The following PROZ variants were observed in gnomAD, a reference collection of about 807,000 sequenced individuals.
The protein encoded by PROZ is protein Z, vitamin K dependent plasma glycoprotein.
In PROZ, 46 loss-of-function variants were observed where a neutral mutation model predicts 34.9. The observed-to-expected ratio is 1.32, with a 90% CI of 1.04 to 1.69. The LOEUF (loss-of-function observed/expected upper bound fraction) is 1.69, where lower values mean the gene tolerates loss of function less well. Ranked by LOEUF, PROZ falls within the 40% of genes most tolerant of loss-of-function variation. PROZ has a pLI of 0.00. For synonymous variants in PROZ, 195 were observed against 208.5 expected, an observed-to-expected ratio of 0.94 and a Z score of 0.56; for missense variants, 530 against 520.4, an observed-to-expected ratio of 1.02 and a Z score of -0.18.
At position 113,164,659 on chromosome 13, in the gene PROZ, C is replaced by T. The variant is rs866079128; in HGVS notation, c.505+15C>T. On this transcript the variant is annotated intron_variant, in intron 5 of 7. Transcript: ENST00000375547. ...TGTGCCCCACGGTGAGTGCTCAGAC[C>T]ACAGCGGCCTCCAGCTTCCAATGCC... The T allele has an allele frequency of 4.3e-6, 7 of 1,613,172 alleles. No homozygotes were observed. In the Middle Eastern group the frequency reaches 8.4e-4, roughly 193 times the overall value.
rs937703776 is a variant in PROZ at position 113,171,118 on chromosome 13, T to C, written c.692-476T>C. 6.6e-6 allele frequency among the ~76,000 whole-genome samples: 1 copy of C among 152,098 alleles called. No homozygotes were observed. The highest frequency in any genetic ancestry group is 1.9e-4 in the East Asian group (1 of 5,200). ...TTTGTATTTTTAGTAGAAATGGGGTTTTGCTATGTTGGAAAAGCTGGTCTT... is the reference window on the plus strand; with the variant it reads ...TTTGTATTTTTAGTAGAAATGGGGTCTTGCTATGTTGGAAAAGCTGGTCTT... On this transcript the variant is annotated intron_variant, in intron 7 of 7. Transcript: ENST00000375547. The surrounding 1 kb of genome is among the most constrained non-coding windows in gnomAD (Gnocchi z 5.1).
At position 113,165,041 on chromosome 13, in the gene PROZ, C is replaced by A; in HGVS notation, c.506-12C>A. On this transcript the variant is annotated splice_polypyrimidine_tract_variant and intron_variant, in intron 5 of 7. Coordinates refer to ENST00000375547, the MANE Select transcript of PROZ (RefSeq NM_003891.3). ...GCTGATTTTTATTCTCATGTTGCTG[C>A]CGCAAATGCAGACCAGTGTGCCTGC... is the stretch of plus-strand genomic sequence containing the variant. 6.2e-7 allele frequency: 1 copy of A among 1,613,258 alleles called. No homozygotes were observed. The highest frequency in any genetic ancestry group is 8.5e-7 in the Non-Finnish European group (1 of 1,179,844).
chr13:113,166,808 C>T (rs2036948862), intron 6 of PROZ, among the ~76,000 whole-genome samples: 2 of 152,166 alleles, frequency 1.3e-5, no homozygotes, highest in Non-Finnish European at 2.9e-5. Flanking sequence ...TAGGTAGTGA[C>T]AGGGTCTGGC....
intron 5 of PROZ, 48 bp from the exon 6 acceptor site, chr13:113,165,005 G>T: frequency 6.4e-7 from 1 of 1,567,294 alleles, no homozygotes. Flanking sequence ...TCCGATATTC[G>T]CTGAGAAGGC....
At position 113,160,805 on chromosome 13, in the gene PROZ, A is replaced by G. The variant is rs905807706; in HGVS notation, c.235-143A>G. Reference sequence around the variant, plus strand: ...AACATAAACAAATAGGCTGTAAAACAGGAAAATTGTGCATTGTTTCAACCA... The same window carrying G: ...AACATAAACAAATAGGCTGTAAAACGGGAAAATTGTGCATTGTTTCAACCA... On this transcript the variant is annotated intron_variant, in intron 2 of 7. Coordinates refer to ENST00000375547, the MANE Select transcript of PROZ (RefSeq NM_003891.3). 4.2e-6 allele frequency: 3 copies of G among 717,082 alleles called. No individual in the cohort carries two copies. The African/African-American group carries it at 5.3e-5, about 13-fold the overall frequency. 44.4% of individuals were successfully genotyped at this position (717,082 alleles called of 1,614,324 possible). A position where few individuals can be genotyped will look rare whatever the true frequency, so the allele number is the denominator to read the frequency against.
chr13:113,167,427 A>T (rs992760460), intron 6 of PROZ, among the ~76,000 whole-genome samples: 1 of 152,214 alleles, frequency 6.6e-6, no homozygotes, highest in Non-Finnish European at 1.5e-5. Flanking sequence ...ACGGTTGAAA[A>T]CTGCAACACT....
At chr13:113,163,434 C>T (rs1235140323) in intron 4 of PROZ, among the ~76,000 whole-genome samples, 1 of 152,172 alleles carries the variant, frequency 6.6e-6, no homozygotes, top group Admixed American at 6.5e-5. Flanking sequence ...GGGTCACACA[C>T]AGGCGTCCTC....
At chr13:113,169,536 C>T (rs891064288) in intron 6 of PROZ, among the ~76,000 whole-genome samples, 1 of 152,200 alleles carries the variant, frequency 6.6e-6, no homozygotes, top group African/African-American at 2.4e-5. Context: ...TCTATACATA[C>T]ACTTGGATAT....
rs1227600938 is a variant in PROZ at position 113,159,341 on chromosome 13, G to A, written c.70+611G>A. Reference sequence around the variant, plus strand: ...CCATGGTCTCCCACCCTGAGAGGGTGATCCCCCCGCCCTGCCCTGCCCAGC... The same window carrying A: ...CCATGGTCTCCCACCCTGAGAGGGTAATCCCCCCGCCCTGCCCTGCCCAGC... On this transcript the variant is annotated intron_variant, in intron 1 of 7. Coordinates refer to ENST00000375547, the MANE Select transcript of PROZ (RefSeq NM_003891.3). This position sits in a 1 kb window ranked among gnomAD's most constrained non-coding sequence, Gnocchi z 4.6. 3 of 1,417,918 alleles carry A rather than the reference G, an allele frequency of 2.1e-6. No individual in the cohort carries two copies. The highest frequency in any genetic ancestry group is 2.9e-6 in the Non-Finnish European group (3 of 1,027,768). 87.8% of individuals were successfully genotyped at this position (1,417,918 alleles called of 1,614,324 possible).
rs2037070905 is a variant in PROZ, at chr13:113,170,292, C to A, written c.574-121C>A. The A allele has an allele frequency of 8.2e-6, 5 of 612,734 alleles. No individual in the cohort carries two copies. The Admixed American group carries it at 1.3e-4, about 16-fold the overall frequency. The allele number at this position is 612,734 out of a possible 1,614,324, so 38.0% of individuals were successfully genotyped here. ...GGCAAGAATCAAATACGGCTGTCTG[C>A]CTTTGGCGGGGGGTGGGGGTGGGGG... On this transcript the variant is annotated intron_variant, in intron 6 of 7. Coordinates refer to ENST00000375547, the MANE Select transcript of PROZ (RefSeq NM_003891.3).
Position 113,165,039 on chromosome 13 carries a change from TGCC to T in PROZ, c.506-11_506-9del, listed in dbSNP as rs1390034933. 1 of 1,613,206 alleles carries T rather than the reference TGCC, an allele frequency of 6.2e-7. No homozygotes were observed. Among genetic ancestry groups the T allele is most frequent in the African/African-American group, 1.3e-5 (1 of 74,946 alleles). ...GCGCTGATTTTTATTCTCATGTTGC[TGCC>T]GCAAATGCAGACCAGTGTGCCTGCG... On this transcript the variant is annotated splice_polypyrimidine_tract_variant and intron_variant, in intron 5 of 7. Coordinates refer to ENST00000375547, the MANE Select transcript of PROZ (RefSeq NM_003891.3).
At position 113,164,623 on chromosome 13, in the gene PROZ, C is replaced by T; in HGVS notation, c.484C>T (p.His162Tyr). The T allele has an allele frequency of 2.5e-6, 4 of 1,613,776 alleles. No homozygotes were observed. Among genetic ancestry groups the T allele is most frequent in the Admixed American group, 1.7e-5 (1 of 60,008 alleles). ...CAQGYRLGED[H>Y]KQCVPHDQCA... ...TCAGGGCTACAGGCTTGGTGAGGAC[C>T]ACAAACAGTGTGTGCCCCACGGTGA... The change falls in exon 5 of 8, where the codon CAC becomes TAC. Residue 162 changes from histidine (H) to tyrosine (Y), a missense_variant. His to Tyr is a moderately conservative substitution (Grantham distance 83). Transcript: ENST00000375547.
At chr13:113,163,859 A>C (rs368829821) in intron 4 of PROZ, among the ~76,000 whole-genome samples, 21 of 152,036 alleles carry the variant, frequency 1.4e-4, no homozygotes, top group East Asian at 1.2e-3. Context: ...CTCCTTGAAG[A>C]AGCAGCAATT....
In PROZ at chr13:113,158,749, T is replaced by C; in HGVS notation, c.70+19T>C. 1 of 1,585,820 alleles carries C rather than the reference T, an allele frequency of 6.3e-7. No individual in the cohort carries two copies. The highest frequency in any genetic ancestry group is 8.6e-7 in the Non-Finnish European group (1 of 1,165,426). ...CCCTCAGGTAGGCATCTGGCTTACC[T>C]GTCTGTTGTGCCTGTGCTGTGTCTT... On this transcript the variant is annotated intron_variant, in intron 1 of 7. Transcript: ENST00000375547. This position sits in a 1 kb window ranked among gnomAD's most constrained non-coding sequence, Gnocchi z 4.3.
chr13:113,172,217 C>A lies in PROZ; in HGVS notation c.*112C>A. 1 of 1,426,532 alleles carries A rather than the reference C, an allele frequency of 7.0e-7. No homozygotes were observed. Among genetic ancestry groups the A allele is most frequent in the Admixed American group, 1.9e-5 (1 of 51,384 alleles). 88.4% of individuals were successfully genotyped at this position (1,426,532 alleles called of 1,614,324 possible). ...ATCACACACTGAGAGGCCGTCACAG[C>A]CCCAGACCACCCGCTTGGCCCACGC... On this transcript the variant is annotated 3_prime_UTR_variant, in exon 8 of 8. Transcript: ENST00000375547.
In PROZ at chr13:113,159,709, G is replaced by C. The variant is rs894571250; in HGVS notation, c.71-305G>C. On this transcript the variant is annotated intron_variant, in intron 1 of 7. Transcript: ENST00000375547. The surrounding 1 kb of genome is among the most constrained non-coding windows in gnomAD (Gnocchi z 4.6). The stretch of plus-strand genomic sequence containing the variant: ...TTTGACCCCAGCTCAGCCTTCCTTC[G>C]CACTCAGACCCAAAACCCAGTTGGA... Among the ~76,000 whole-genome samples, 2 of 152,176 alleles carry C rather than the reference G, an allele frequency of 1.3e-5. No individual in the cohort carries two copies. The highest frequency in any genetic ancestry group is 2.4e-5 in the African/African-American group (1 of 41,436).
Position 113,166,976 on chromosome 13 carries a change from G to A in PROZ, c.573+1856G>A, listed in dbSNP as rs75529483. On this transcript the variant is annotated intron_variant, in intron 6 of 7. Transcript: ENST00000375547. ...ACACAGCTGGTGTGTTTAAGACAGA[G>A]GACACTGACTTAGGCAGGCTACATA... Among the ~76,000 whole-genome samples, 70 of 152,272 alleles carry A rather than the reference G, an allele frequency of 4.6e-4. No individual in the cohort carries two copies. The East Asian group carries it at 0.013, about 27-fold the overall frequency.
chr13:113,168,437 G>A (rs1460077874), intron 6 of PROZ, among the ~76,000 whole-genome samples: 1 of 152,238 alleles, frequency 6.6e-6, no homozygotes, highest in Non-Finnish European at 1.5e-5. Flanking sequence ...CAGAGCCCCA[G>A]GCTGGCAGCA....
chr13:113,160,540 A>G (rs1409136599), intron 2 of PROZ, among the ~76,000 whole-genome samples: 3 of 152,200 alleles, frequency 2.0e-5, no homozygotes, highest in African/African-American at 7.2e-5. Flanking sequence ...CACTCCCTAC[A>G]GAGGTATATA....
Sources: gnomAD v4.1 joint callset for allele counts (sites outside exome capture counted in the v4.1 genomes callset) on GRCh38, gnomAD v4.1.1 for gene constraint, Gnocchi (gnomAD v3.1) non-coding constraint, MANE v1.5 for transcripts, NCBI Gene and HGNC (gene_info 2026-07-23, HGNC 2026-07-21) for gene names.